The following FUT8 variants were observed in gnomAD, a reference collection of about 807,000 sequenced individuals.
The protein encoded by FUT8 is fucosyltransferase 8.
FUT8 carries 29 observed loss-of-function variants against 71.3 expected under a neutral mutation model. That is an observed-to-expected ratio of 0.41 (90% CI 0.30 to 0.55). FUT8 has a LOEUF of 0.55. Ranked by LOEUF, FUT8 falls within the 20% of genes least tolerant of loss-of-function variation. FUT8 has a pLI of 0.34. For missense variants in FUT8, 544 were observed against 702.1 expected, an observed-to-expected ratio of 0.77 and a Z score of 2.55; for synonymous variants, 254 against 239.3, an observed-to-expected ratio of 1.06 and a Z score of -0.57.
chr14:65,478,949 A>C (rs1221888420), intron 2 of FUT8, among the ~76,000 whole-genome samples: 1 of 152,176 alleles, frequency 6.6e-6, no homozygotes, highest in African/African-American at 2.4e-5. Context: ...GATTGTATGA[A>C]TATAACAGTG....
At chr14:65,653,385 A>G (rs1891507294) in intron 6 of FUT8, among the ~76,000 whole-genome samples, 1 of 152,180 alleles carries the variant, frequency 6.6e-6, no homozygotes, top group African/African-American at 2.4e-5. Flanking sequence ...TCTGTGATTT[A>G]TTAACTTTAG....
At position 65,724,303 on chromosome 14, in the gene FUT8, A is replaced by G. The variant is rs779274608; in HGVS notation, c.1239A>G (p.Leu413=). 1 of 1,606,340 alleles carries G rather than the reference A, an allele frequency of 6.2e-7. No individual in the cohort carries two copies. The part of the protein sequence containing the change: ...RVYLATDDPS[L]LKEAKTKYPN... ...ATTTGGCCACAGATGACCCTTCTTTATTAAAGGAGGCAAAAACAAAGTAAG... is the reference window on the plus strand; with the variant it reads ...ATTTGGCCACAGATGACCCTTCTTTGTTAAAGGAGGCAAAAACAAAGTAAG... The change falls in exon 9 of 11, where the codon TTA becomes TTG. Residue 413 remains leucine (L), a synonymous_variant. Coordinates refer to ENST00000673929, the MANE Select transcript of FUT8 (RefSeq NM_001371533.1).
At chr14:65,376,064 C>G in the FUT8 span, among the ~76,000 whole-genome samples, 2 of 150,538 alleles carry the variant, frequency 1.3e-5, no homozygotes, top group African/African-American at 4.9e-5. Context: ...GCACTCCAGC[C>G]TGGGTGTCAG....
the FUT8 span, among the ~76,000 whole-genome samples, chr14:65,396,782 C>T: frequency 6.6e-6 from 1 of 152,154 alleles, no homozygotes; most frequent in Non-Finnish European, 1.5e-5. The surrounding 1 kb of genome is among the most constrained non-coding windows in gnomAD (Gnocchi z 5.5). Context: ...CCCCATTATC[C>T]TCTAATATTA....
At chr14:65,481,757 C>A (rs1410050469) in intron 2 of FUT8, among the ~76,000 whole-genome samples, 2 of 151,886 alleles carry the variant, frequency 1.3e-5, no homozygotes, top group African/African-American at 4.8e-5. Flanking sequence ...GTTTATTTAT[C>A]CTTTGTATAT....
chr14:65,598,564 C>A (rs555115427), intron 3 of FUT8, among the ~76,000 whole-genome samples: 99 of 152,132 alleles, frequency 6.5e-4, no homozygotes, highest in African/African-American at 2.3e-3. Context: ...TGGTTTGGCT[C>A]TATTTACTAT....
intron 2 of FUT8, among the ~76,000 whole-genome samples, chr14:65,460,370 T>G (rs910609713): frequency 1.3e-5 from 2 of 152,188 alleles, no homozygotes; most frequent in African/African-American, 4.8e-5. Context: ...ATAATCTCTC[T>G]AGGGAAAAAG....
chr14:65,615,265 G>A (rs2140219952), intron 3 of FUT8, among the ~76,000 whole-genome samples: 1 of 152,064 alleles, frequency 6.6e-6, no homozygotes, highest in Admixed American at 6.5e-5. Flanking sequence ...ACCACCATGT[G>A]CCCAGCTAAT....
chr14:65,710,187 A>G (rs988203181), intron 7 of FUT8, among the ~76,000 whole-genome samples: 2 of 152,178 alleles, frequency 1.3e-5, no homozygotes, highest in Non-Finnish European at 2.9e-5. Context: ...ATTTATGGTT[A>G]ACATCTATAA....
intron 3 of FUT8, among the ~76,000 whole-genome samples, chr14:65,566,083 C>T (rs1489399419): frequency 6.6e-6 from 1 of 151,858 alleles, no homozygotes; most frequent in African/African-American, 2.4e-5. Flanking sequence ...CATGTGGCTG[C>T]AGTCATCTGG....
chr14:65,663,373 AT>A (rs1220063550), intron 6 of FUT8, among the ~76,000 whole-genome samples: 4 of 149,108 alleles, frequency 2.7e-5, no homozygotes, highest in African/African-American at 4.9e-5. Context: ...TTGTTGCTTT[AT>A]TTTTTTTTTC....
At position 65,546,494 on chromosome 14, in the gene FUT8, T is replaced by C. The variant is rs1361282273; in HGVS notation, c.-227-14843T>C. On this transcript the variant is annotated intron_variant, in intron 2 of 10. Transcript: ENST00000673929. ...GATTTAACCATATTGTGTATACTGG[T>C]AGTTGTTGTTTTTTTAAACTGATGA... 3.3e-5 allele frequency among the ~76,000 whole-genome samples: 5 copies of C among 151,922 alleles called. No individual in the cohort carries two copies. In the East Asian group the frequency reaches 9.6e-4, roughly 29 times the overall value.
intron 6 of FUT8, among the ~76,000 whole-genome samples, chr14:65,648,961 C>CT (rs1159112511): frequency 2.0e-5 from 3 of 152,264 alleles, no homozygotes; most frequent in African/African-American, 7.2e-5. Context: ...AGTAGGGAGT[C>CT]TCTGACGATA....
At chr14:65,655,728 G>A (rs1454529233) in intron 6 of FUT8, among the ~76,000 whole-genome samples, 3 of 152,148 alleles carry the variant, frequency 2.0e-5, no homozygotes, top group African/African-American at 7.2e-5. Context: ...ATTGATGGAA[G>A]CATTAGACCG....
chr14:65,733,387 T>TGTCA lies in FUT8; in HGVS notation c.1410+9_1410+12dup. 6.4e-7 allele frequency: 1 copy of TGTCA among 1,573,140 alleles called. No homozygotes were observed. Among genetic ancestry groups the TGTCA allele is most frequent in the Middle Eastern group, 1.7e-4 (1 of 5,906 alleles). ...TGTGTACTTTTTCATCCCAGGTAAG[T>TGTCA]GTCAGTAGGGCATTTTAAAATAACC... On this transcript the variant is annotated splice_region_variant and intron_variant, in intron 10 of 10. Transcript: ENST00000673929.
At chr14:65,657,925 A>G (rs987329344) in intron 6 of FUT8, among the ~76,000 whole-genome samples, 1 of 151,902 alleles carries the variant, frequency 6.6e-6, no homozygotes, top group African/African-American at 2.4e-5. Context: ...CCATAAATAT[A>G]TATACCTACT....
At chr14:65,670,877 T>A (rs1274973269) in intron 7 of FUT8, among the ~76,000 whole-genome samples, 1 of 152,174 alleles carries the variant, frequency 6.6e-6, no homozygotes, top group Non-Finnish European at 1.5e-5. Flanking sequence ...AGAAGCCTTA[T>A]TTTATATATC....
intron 7 of FUT8, among the ~76,000 whole-genome samples, chr14:65,680,792 C>G (rs981264247): frequency 1.3e-5 from 2 of 152,140 alleles, no homozygotes; most frequent in Non-Finnish European, 2.9e-5. Context: ...TTTTCGAAAC[C>G]AAATATGACT....
At chr14:65,526,293 A>G (rs926461875) in intron 2 of FUT8, among the ~76,000 whole-genome samples, 4 of 152,172 alleles carry the variant, frequency 2.6e-5, no homozygotes, top group Non-Finnish European at 5.9e-5. Context: ...TTCTTGTTGA[A>G]TTGGTACCTT....
Sources: allele counts gnomAD v4.1 joint callset (sites outside exome capture counted in the v4.1 genomes callset), GRCh38; gene constraint gnomAD v4.1.1; non-coding constraint Gnocchi (gnomAD v3.1); transcripts MANE v1.5; gene names NCBI Gene and HGNC (gene_info 2026-07-23, HGNC 2026-07-21).